Variants in SRBD1 observed in about 807,000 individuals in gnomAD.
SRBD1 encodes S1 RNA-binding domain-containing protein 1.
In SRBD1, 88 loss-of-function variants were observed where a neutral mutation model predicts 115.3. The ratio of observed to expected loss-of-function variants is 0.76; its 90% CI spans 0.64 to 0.91. The LOEUF (loss-of-function observed/expected upper bound fraction) is 0.91, where lower values mean the gene tolerates loss of function less well. Ranked by LOEUF, SRBD1 falls within the 40% of genes least tolerant of loss-of-function variation. The pLI is 0.00. For missense variants in SRBD1, 1,385 were observed against 1,177.4 expected (o/e 1.18, Z -2.58); for synonymous variants, 509 against 407.7 (o/e 1.25, Z -2.99).
intron 14 of SRBD1, among the ~76,000 whole-genome samples, chr2:45,523,896 T>C (rs1671362288): frequency 6.6e-6 from 1 of 151,954 alleles, no homozygotes; most frequent in Non-Finnish European, 1.5e-5. Flanking sequence ...TAATATCTCT[T>C]ATGAATATGA....
chr2:45,582,741 A>G (rs542616813), intron 5 of SRBD1, among the ~76,000 whole-genome samples: 4 of 152,254 alleles, frequency 2.6e-5, no homozygotes, highest in African/African-American at 9.6e-5. Flanking sequence ...ATTCTCTGGC[A>G]TATGATATTT....
At chr2:45,474,346 C>T (rs1355148126) in intron 16 of SRBD1, among the ~76,000 whole-genome samples, 1 of 152,184 alleles carries the variant, frequency 6.6e-6, no homozygotes, top group Non-Finnish European at 1.5e-5. Flanking sequence ...TCTGTGTATG[C>T]TGTTTCTGTT....
chr2:45,421,488 C>A (rs1221266441), intron 16 of SRBD1, among the ~76,000 whole-genome samples: 1 of 107,076 alleles, frequency 9.3e-6, no homozygotes, highest in African/African-American at 3.7e-5. Flanking sequence ...GCCTGGGTGA[C>A]GGTGTGAGAC....
chr2:45,542,197 G>A lies in SRBD1; in HGVS notation c.1874+4535C>T, dbSNP rs573559612. Among the ~76,000 whole-genome samples the A allele has an allele frequency of 5.9e-5, 9 of 152,358 alleles. No individual in the cohort carries two copies. In the South Asian group the frequency reaches 8.3e-4, roughly 14 times the overall value. On this transcript the variant is annotated intron_variant, in intron 14 of 20. Transcript: ENST00000263736. ...AAATCCTGAACAGGCTGAGGCAGCAGGGGCTGGTGTCAGCACTGCCTCGAG... is the reference window on the plus strand; with the variant it reads ...AAATCCTGAACAGGCTGAGGCAGCAAGGGCTGGTGTCAGCACTGCCTCGAG...
chr2:45,476,729 G>C (rs1485176469), intron 16 of SRBD1, among the ~76,000 whole-genome samples: 2 of 152,146 alleles, frequency 1.3e-5, no homozygotes, highest in Admixed American at 1.3e-4. Context: ...CTCCAAATTA[G>C]TTATTAGTTT....
intron 10 of SRBD1, 70 bp from the exon 11 acceptor site, chr2:45,553,800 A>G: frequency 1.0e-6 from 1 of 972,432 alleles, no homozygotes; most frequent in Non-Finnish European, 1.5e-6. Context: ...GCTCCCAAAA[A>G]GAAGGGAGAT....
intron 16 of SRBD1, among the ~76,000 whole-genome samples, chr2:45,459,093 T>C (rs1669238025): frequency 6.6e-6 from 1 of 152,106 alleles, no homozygotes; most frequent in African/African-American, 2.4e-5. Context: ...GCTGTGTTTG[T>C]TTTTAAGCAT....
At chr2:45,530,652 G>A (rs1671582544) in intron 14 of SRBD1, among the ~76,000 whole-genome samples, 1 of 152,060 alleles carries the variant, frequency 6.6e-6, no homozygotes, top group Non-Finnish European at 1.5e-5. Flanking sequence ...CAGGACAGAG[G>A]TTGAAAGGAA....
intron 6 of SRBD1, among the ~76,000 whole-genome samples, chr2:45,581,446 C>T (rs554173200): frequency 1.3e-5 from 2 of 152,122 alleles, no homozygotes; most frequent in African/African-American, 2.4e-5. Flanking sequence ...ATCTACTGTC[C>T]TTCCCTACTT....
chr2:45,513,966 T>A (rs1671047771), intron 14 of SRBD1, among the ~76,000 whole-genome samples: 1 of 152,152 alleles, frequency 6.6e-6, no homozygotes, highest in African/African-American at 2.4e-5. Context: ...AGATTTAGAA[T>A]CAGATGATTT....
At chr2:45,577,538 A>C (rs1673218188) in intron 7 of SRBD1, among the ~76,000 whole-genome samples, 1 of 152,172 alleles carries the variant, frequency 6.6e-6, no homozygotes, top group African/African-American at 2.4e-5. Flanking sequence ...TTCCTCTTGG[A>C]CACGAAAGTA....
At chr2:45,530,199 A>G (rs1406822997) in intron 14 of SRBD1, among the ~76,000 whole-genome samples, 4 of 152,062 alleles carry the variant, frequency 2.6e-5, no homozygotes, top group African/African-American at 9.7e-5. Flanking sequence ...AGTCAAAAAT[A>G]TACCCATTAA....
At chr2:45,599,900 C>T (rs966031185) in intron 3 of SRBD1, 65 bp from the exon 4 acceptor site, 42 of 1,489,942 alleles carry the variant, frequency 2.8e-5, no homozygotes, top group Non-Finnish European at 3.8e-5. Context: ...GGGACTATTA[C>T]TCACAAATAA....
chr2:45,505,631 A>G (rs142444994), intron 14 of SRBD1, among the ~76,000 whole-genome samples: 254 of 152,322 alleles, frequency 1.7e-3, no homozygotes, highest in Non-Finnish European at 2.9e-3. Context: ...TCTAAAGTAA[A>G]TAAGATGAAT....
chr2:45,558,928 G>C (rs1334727465), intron 10 of SRBD1, among the ~76,000 whole-genome samples: 1 of 152,056 alleles, frequency 6.6e-6, no homozygotes, highest in Admixed American at 6.5e-5. Context: ...TTGAACTCCT[G>C]ATCTCAGGTG....
At chr2:45,402,437 C>T (rs1288998467) in intron 19 of SRBD1, among the ~76,000 whole-genome samples, 1 of 152,134 alleles carries the variant, frequency 6.6e-6, no homozygotes, top group Non-Finnish European at 1.5e-5. Context: ...AGCACATCAG[C>T]AGAAACAAAG....
chr2:45,528,697 C>A (rs1237610138), intron 14 of SRBD1, among the ~76,000 whole-genome samples: 2 of 151,636 alleles, frequency 1.3e-5, no homozygotes, highest in Non-Finnish European at 2.9e-5. Flanking sequence ...AAGAGATTAT[C>A]AAGGAAAAGA....
At chr2:45,600,569 T>C (rs1329464759) in intron 3 of SRBD1, among the ~76,000 whole-genome samples, 3 of 152,180 alleles carry the variant, frequency 2.0e-5, no homozygotes, top group African/African-American at 2.4e-5. Context: ...CACAGAATGA[T>C]AGCAGGCTAA....
intron 16 of SRBD1, among the ~76,000 whole-genome samples, chr2:45,453,077 A>T (rs1053616953): frequency 1.3e-5 from 2 of 151,878 alleles, no homozygotes; most frequent in African/African-American, 4.8e-5. Context: ...GCAATTTGTG[A>T]AAGAATTCTA....
Sources: allele counts gnomAD v4.1 joint callset (sites outside exome capture counted in the v4.1 genomes callset), GRCh38; gene constraint gnomAD v4.1.1; transcripts MANE v1.5; gene names NCBI Gene and HGNC (gene_info 2026-07-23, HGNC 2026-07-21).